The following NPHS1 variants were observed in gnomAD, a reference collection of about 807,000 sequenced individuals.
NPHS1 encodes nephrin.
Under a neutral mutation model 139.7 loss-of-function variants are expected in NPHS1, and 107 were observed. The observed-to-expected ratio is 0.77, with a 90% CI of 0.66 to 0.90. The LOEUF (loss-of-function observed/expected upper bound fraction) is 0.90. NPHS1 is among the 40% of genes least tolerant of loss of function. The probability of loss-of-function intolerance (pLI) is 0.00; values close to 1 mark genes in which losing one functional copy is unlikely to be tolerated. For synonymous variants in NPHS1, 707 were observed against 706.6 expected (o/e 1.00, Z -0.01); for missense variants, 1,580 against 1,654.2 (o/e 0.96, Z 0.78).
intron 28 of NPHS1, among the ~76,000 whole-genome samples, chr19:35,827,918 A>AAAAT (rs1418097090): frequency 5.3e-5 from 8 of 152,202 alleles, no homozygotes; most frequent in African/African-American, 1.7e-4. Flanking sequence ...CTCCATCTCA[A>AAAAT]AAATAAATAA....
intron 24 of NPHS1, 30 bp from the exon 25 acceptor site, chr19:35,831,530 G>T (rs1429747653): frequency 6.2e-7 from 1 of 1,613,854 alleles, no homozygotes. Context: ...AGGGCTCAGT[G>T]ACCCTATGCA....
intron 16 of NPHS1, chr19:35,843,896 C>A: frequency 1.3e-6 from 1 of 746,486 alleles, no homozygotes; most frequent in Non-Finnish European, 2.1e-6. Flanking sequence ...AGGCGGGCAC[C>A]CTCTCTGGGC....
intron 23 of NPHS1, among the ~76,000 whole-genome samples, chr19:35,834,888 C>CA (rs1435764876): frequency 7.1e-6 from 1 of 140,686 alleles, no homozygotes; most frequent in Non-Finnish European, 1.5e-5. Flanking sequence ...GAATCCATCT[C>CA]AAAAAATAAA....
At chr19:35,840,001 T>TTC (rs1272875499) in intron 20 of NPHS1, among the ~76,000 whole-genome samples, 1 of 149,050 alleles carries the variant, frequency 6.7e-6, no homozygotes, top group African/African-American at 2.5e-5. Context: ...GTTTCTTTCT[T>TTC]TTTTTTTTTT....
intron 4 of NPHS1, 112 bp from the exon 5 acceptor site, chr19:35,850,557 T>C: frequency 2.2e-6 from 2 of 923,700 alleles, no homozygotes; most frequent in South Asian, 2.7e-5. Flanking sequence ...CTCCTCGTTC[T>C]AGAGGAAAAG....
chr19:35,832,731 C>CA (rs1972900619), intron 23 of NPHS1, among the ~76,000 whole-genome samples: 1 of 151,070 alleles, frequency 6.6e-6, no homozygotes, highest in Non-Finnish European at 1.5e-5. Context: ...TACTAAAATA[C>CA]AAAAAATTAG....
At chr19:35,842,091 G>T in intron 19 of NPHS1, 33 bp downstream of exon 19, 1 of 1,589,608 alleles carries the variant, frequency 6.3e-7, no homozygotes, top group Non-Finnish European at 8.6e-7. Flanking sequence ...CAGACCTGGG[G>T]CTGGAGTGCT....
chr19:35,831,563 A>G (rs942675422), intron 24 of NPHS1, 63 bp from the exon 25 acceptor site: 6 of 1,583,560 alleles, frequency 3.8e-6, no homozygotes, highest in Admixed American at 3.4e-5. Flanking sequence ...CGGCCCCAGG[A>G]AGACCTTCAG....
rs1466777744 is a variant in NPHS1 at position 35,826,607 on chromosome 19, C to T, written c.3633G>A (p.Gln1211=). ...CCTGGTCATAGATTCCTCTTGGATC[C>T]TGATATGTGTCTTCAGGCCAGTGGA... The part of the protein sequence containing the change: ...WDLHWPEDTY[Q]DPRGIYDQVA... Residue 1211 remains glutamine (Q), a synonymous_variant, in exon 29 of 29, where the codon CAG becomes CAA. Coordinates refer to ENST00000378910, the MANE Select transcript of NPHS1 (RefSeq NM_004646.4). The T allele has an allele frequency of 1.2e-6, 2 of 1,614,090 alleles. No individual in the cohort carries two copies. Among genetic ancestry groups the T allele is most frequent in the South Asian group, 2.2e-5 (2 of 91,074 alleles).
chr19:35,832,270 G>A (rs775263956), intron 23 of NPHS1, among the ~76,000 whole-genome samples: 2 of 152,070 alleles, frequency 1.3e-5, no homozygotes, highest in Non-Finnish European at 1.5e-5. Flanking sequence ...AAGGTCAGGC[G>A]CTGCAGCACA....
intron 16 of NPHS1, 112 bp from the exon 17 acceptor site, chr19:35,843,705 G>T (rs1191599728): frequency 2.2e-6 from 3 of 1,370,548 alleles, no homozygotes; most frequent in Non-Finnish European, 3.1e-6. Context: ...TATGGGTGTG[G>T]ACACAATCTG....
chr19:35,847,976 A>G, intron 11 of NPHS1, 65 bp downstream of exon 11: 2 of 1,542,558 alleles, frequency 1.3e-6, no homozygotes, highest in Middle Eastern at 2.0e-4. Context: ...ATTCTGAAGG[A>G]GAGAAGGGGC....
At chr19:35,843,734 T>C in intron 16 of NPHS1, 141 bp from the exon 17 acceptor site, 1 of 1,054,568 alleles carries the variant, frequency 9.5e-7, no homozygotes, top group Non-Finnish European at 1.4e-6. Context: ...ACCAAAGGGT[T>C]GGAGGAGAGT....
At position 35,831,014 on chromosome 19, in the gene NPHS1, A is replaced by G. The variant is rs752901952; in HGVS notation, c.3481+39T>C. The G allele has an allele frequency of 1.9e-6, 3 of 1,605,538 alleles. No homozygotes were observed. The Admixed American group carries it at 5.0e-5, about 27-fold the overall frequency. Reference sequence around the variant, plus strand: ...GGCACCCAGTCCAGGCGTCGGGGGTACCTCTGAGTGAGGGAATCCTGACAT... The same window carrying G: ...GGCACCCAGTCCAGGCGTCGGGGGTGCCTCTGAGTGAGGGAATCCTGACAT... On this transcript the variant is annotated intron_variant, in intron 27 of 28. Coordinates refer to ENST00000378910, the MANE Select transcript of NPHS1 (RefSeq NM_004646.4).
At chr19:35,844,933 C>T (rs550738448) in intron 14 of NPHS1, among the ~76,000 whole-genome samples, 30 of 151,916 alleles carry the variant, frequency 2.0e-4, no homozygotes, top group African/African-American at 7.0e-4. Flanking sequence ...AAGATCGGCC[C>T]GGGCAACATA....
chr19:35,843,943 T>C, intron 16 of NPHS1, 160 bp downstream of exon 16: 1 of 998,388 alleles, frequency 1.0e-6, no homozygotes, highest in Non-Finnish European at 1.5e-6. Context: ...TGGGAGGGGT[T>C]CCGCAGTGGG....
In NPHS1 at chr19:35,850,432, T is replaced by C. The variant is rs779291027; in HGVS notation, c.540A>G (p.Ile180Met). The C allele has an allele frequency of 1.9e-6, 3 of 1,614,082 alleles. No homozygotes were observed. Among genetic ancestry groups the C allele is most frequent in the South Asian group, 2.2e-5 (2 of 91,082 alleles). Reference sequence around the variant, plus strand: ...CGTTCACGTTTGCAGAGATGTCAGATATTGTCTGTCCACCTTGGGGCAGCA... The same window carrying C: ...CGTTCACGTTTGCAGAGATGTCAGACATTGTCTGTCCACCTTGGGGCAGCA... ...DITILLSGQT[I>M]SDISANVNEG... Residue 180 changes from isoleucine to methionine, a missense_variant, in exon 5 of 29, where the codon ATA (isoleucine) becomes ATG (methionine). Coordinates refer to ENST00000378910, the MANE Select transcript of NPHS1 (RefSeq NM_004646.4).
rs1599848663 is a variant in NPHS1 at position 35,851,812 on chromosome 19, G to T, written c.26C>A (p.Ala9Asp). The change falls in exon 1 of 29, where the codon GCT (alanine) becomes GAT (aspartate). Residue 9 changes from alanine to aspartate, a missense_variant. Ala to Asp is a moderately radical substitution (Grantham distance 126). Coordinates refer to ENST00000378910, the MANE Select transcript of NPHS1 (RefSeq NM_004646.4). MALGTTLR[A>D]SLLLLGLLTE... ...CAGCAGCCCCAGGAGCAGGAGAGAA[G>T]CCCTGAGCGTCGTCCCCAGGGCCAT... is the stretch of plus-strand genomic sequence containing the variant. 7 of 1,552,622 alleles carry T rather than the reference G, an allele frequency of 4.5e-6. No individual in the cohort carries two copies. The East Asian group carries it at 1.7e-4, about 38-fold the overall frequency.
At position 35,829,359 on chromosome 19, in the gene NPHS1, T is replaced by C. The variant is rs28532212; in HGVS notation, c.3594+1485A>G. On this transcript the variant is annotated intron_variant, in intron 28 of 28. Transcript: ENST00000378910. ...GATTTCTAATCTCGTAGGATACAAA[T>C]CTAGATTTTCTGGGAATATTTTTTC... Among the ~76,000 whole-genome samples, 263 of 152,250 alleles carry C rather than the reference T, an allele frequency of 1.7e-3. 1 individual carries two copies. Among genetic ancestry groups the C allele is most frequent in the African/African-American group, 5.9e-3 (244 of 41,562 alleles).
Sources: gnomAD v4.1 joint callset for allele counts (sites outside exome capture counted in the v4.1 genomes callset) on GRCh38, gnomAD v4.1.1 for gene constraint, MANE v1.5 for transcripts, NCBI Gene and HGNC (gene_info 2026-07-23, HGNC 2026-07-21) for gene names.